Variants in NSMCE2 observed in about 807,000 individuals in gnomAD.
NSMCE2 encodes the protein NSE2 SUMO ligase component of SMC5/6 complex, also known as E3 SUMO-protein ligase NSE2.
Under a neutral mutation model 23.8 loss-of-function variants are expected in NSMCE2, and 24 were observed. That is an observed-to-expected ratio of 1.01 (90% CI 0.73 to 1.42). The LOEUF (loss-of-function observed/expected upper bound fraction) is 1.42. Ranked by LOEUF, NSMCE2 falls within the 40% of genes most tolerant of loss-of-function variation. The pLI, the probability that NSMCE2 is intolerant of heterozygous loss-of-function variation, is 0.00. For synonymous variants in NSMCE2, 92 were observed against 94.1 expected (o/e 0.98, Z 0.13); for missense variants, 284 against 296.5 (o/e 0.96, Z 0.31).
At chr8:125,319,350 A>C (rs1829331861) in intron 5 of NSMCE2, among the ~76,000 whole-genome samples, 1 of 152,228 alleles carries the variant, frequency 6.6e-6, no homozygotes, top group South Asian at 2.1e-4. Context: ...AGGTAGCAGG[A>C]AAATACAACC....
At chr8:125,287,620 A>G (rs1827950821) in intron 5 of NSMCE2, among the ~76,000 whole-genome samples, 1 of 152,156 alleles carries the variant, frequency 6.6e-6, no homozygotes, top group Non-Finnish European at 1.5e-5. Context: ...CTTTCCACTC[A>G]GGCTACAAAC....
At chr8:125,180,807 TA>T (rs35812428) in intron 4 of NSMCE2, among the ~76,000 whole-genome samples, 9,732 of 152,304 alleles carry the variant, frequency 0.064, 397 homozygotes, top group South Asian at 0.15. Flanking sequence ...TGGCAGCTAA[TA>T]AATTGTGGCT....
intron 5 of NSMCE2, among the ~76,000 whole-genome samples, chr8:125,312,075 T>TAAAAAAAA (rs56906621): frequency 1.0e-5 from 1 of 99,414 alleles, no homozygotes; most frequent in African/African-American, 4.0e-5. Context: ...CCATCTCAAT[T>TAAAAAAAA]AAAAAAAAAA....
intron 3 of NSMCE2, among the ~76,000 whole-genome samples, chr8:125,141,239 G>C (rs1277009234): frequency 6.6e-6 from 1 of 152,158 alleles, no homozygotes; most frequent in Non-Finnish European, 1.5e-5. Context: ...CTCTGAGGTA[G>C]AGCAATTTAT....
intron 5 of NSMCE2, among the ~76,000 whole-genome samples, chr8:125,333,057 G>A (rs1434535418): frequency 4.6e-5 from 7 of 152,228 alleles, no homozygotes; most frequent in African/African-American, 1.2e-4. Flanking sequence ...AGTGAGCTTC[G>A]TTCCAAAATG....
At chr8:125,186,527 A>C (rs977160474) in intron 5 of NSMCE2, among the ~76,000 whole-genome samples, 4 of 152,230 alleles carry the variant, frequency 2.6e-5, no homozygotes, top group African/African-American at 9.6e-5. Context: ...AAAAGCAGGA[A>C]TCTGTACATG....
chr8:125,192,565 T>G (rs1178287928), intron 5 of NSMCE2, among the ~76,000 whole-genome samples: 1 of 152,216 alleles, frequency 6.6e-6, no homozygotes, highest in Non-Finnish European at 1.5e-5. Context: ...TCAGAGCTAC[T>G]TGTATAGAAA....
At chr8:125,264,664 C>G (rs550346031) in intron 5 of NSMCE2, among the ~76,000 whole-genome samples, 68 of 152,244 alleles carry the variant, frequency 4.5e-4, no homozygotes, top group Non-Finnish European at 1.8e-4. Context: ...GTGGGCTGTT[C>G]TTGAAGCTAC....
intron 5 of NSMCE2, among the ~76,000 whole-genome samples, chr8:125,188,789 G>A (rs147767774): frequency 6.2e-4 from 95 of 152,314 alleles, no homozygotes; most frequent in African/African-American, 2.2e-3. Flanking sequence ...TTGGGAATGT[G>A]TATTGTAGAA....
intron 5 of NSMCE2, among the ~76,000 whole-genome samples, chr8:125,269,744 A>G (rs569830508): frequency 1.3e-5 from 2 of 152,350 alleles, no homozygotes; most frequent in East Asian, 3.9e-4. Flanking sequence ...AGGATAACTT[A>G]CTTCACATGA....
At chr8:125,124,282 T>C (rs1420185553) in intron 3 of NSMCE2, 2 of 152,216 alleles carry the variant, frequency 1.3e-5, no homozygotes, top group Non-Finnish European at 2.9e-5. Flanking sequence ...AATTTATTCA[T>C]AAACATTTTA....
At chr8:125,141,367 T>C (rs1820366269) in intron 3 of NSMCE2, among the ~76,000 whole-genome samples, 1 of 152,204 alleles carries the variant, frequency 6.6e-6, no homozygotes. Context: ...AAGGGTATAT[T>C]ATTGATTTCT....
At chr8:125,243,629 A>G (rs1002869887) in intron 5 of NSMCE2, among the ~76,000 whole-genome samples, 26 of 152,302 alleles carry the variant, frequency 1.7e-4, no homozygotes, top group African/African-American at 6.3e-4. Context: ...ACTCTTAAAC[A>G]TATTCTAACA....
At chr8:125,115,655 G>A (rs912591090) in intron 3 of NSMCE2, among the ~76,000 whole-genome samples, 1 of 152,212 alleles carries the variant, frequency 6.6e-6, no homozygotes, top group Non-Finnish European at 1.5e-5. Flanking sequence ...GGAGGCTGAG[G>A]CAGGAGAATT....
At chr8:125,345,307 A>G (rs1830395217) in intron 5 of NSMCE2, among the ~76,000 whole-genome samples, 1 of 152,254 alleles carries the variant, frequency 6.6e-6, no homozygotes, top group Non-Finnish European at 1.5e-5. Context: ...CCTACACGGT[A>G]TAATGTGGCT....
Position 125,151,276 on chromosome 8 carries a change from A to G in NSMCE2, c.263A>G (p.His88Arg), listed in dbSNP as rs577533605. The G allele has an allele frequency of 9.6e-6, 14 of 1,465,302 alleles. No homozygotes were observed. The African/African-American group carries it at 1.5e-4, about 16-fold the overall frequency. 90.8% of individuals were successfully genotyped at this position (1,465,302 alleles called of 1,614,324 possible). Residue 88 changes from histidine to arginine, a missense_variant and splice_region_variant, in exon 4 of 8, where the codon CAT (histidine) becomes CGT (arginine). His to Arg is a conservative substitution (Grantham distance 29, BLOSUM62 0). This residue lies in a region of NSMCE2 where 182 missense variants were observed against 155.5 expected (regional missense o/e 1.17). Transcript: ENST00000287437. ...AAGGCTGTTCAATCTACAATAAATCATGTAAGTTTATACCACTCCCTGGTT... is the reference window on the plus strand; with the variant it reads ...AAGGCTGTTCAATCTACAATAAATCGTGTAAGTTTATACCACTCCCTGGTT... ...YVKAVQSTIN[H>R]VKEERPEKIP...
At chr8:125,363,522 GAGAAAGAA>G (rs59016298) in intron 7 of NSMCE2, among the ~76,000 whole-genome samples, 24 of 130,212 alleles carry the variant, frequency 1.8e-4, no homozygotes, top group East Asian at 7.6e-4. Context: ...GGAAAGAGGA[GAGAAAGAA>G]AGAAAGAAAG....
At chr8:125,103,831 C>CT (rs57421278) in intron 3 of NSMCE2, among the ~76,000 whole-genome samples, 14,795 of 151,118 alleles carry the variant, frequency 0.098, 926 homozygotes, top group African/African-American at 0.17. Flanking sequence ...TAAGTAGAAT[C>CT]TTTTTTTTTA....
chr8:125,252,170 A>G (rs1826223132), intron 5 of NSMCE2, among the ~76,000 whole-genome samples: 1 of 152,224 alleles, frequency 6.6e-6, no homozygotes, highest in Non-Finnish European at 1.5e-5. Context: ...AGACTAGTAA[A>G]GAGAAGCTAA....
Sources: gnomAD v4.1 joint callset for allele counts (sites outside exome capture counted in the v4.1 genomes callset) on GRCh38, gnomAD v4.1.1 for gene constraint, gnomAD v4.1.1 regional missense constraint, MANE v1.5 for transcripts, NCBI Gene and HGNC (gene_info 2026-07-23, HGNC 2026-07-21) for gene names.